Variants in RAB27A observed in about 807,000 individuals in gnomAD.
The protein encoded by RAB27A is ras-related protein Rab-27A.
Under a neutral mutation model 20.8 loss-of-function variants are expected in RAB27A, and 17 were observed. The observed-to-expected ratio is 0.82, with a 90% CI of 0.56 to 1.23. The LOEUF (loss-of-function observed/expected upper bound fraction) is 1.23. Ranked by LOEUF, RAB27A falls within the 50% of genes most tolerant of loss-of-function variation. The pLI, the probability that RAB27A is intolerant of heterozygous loss-of-function variation, is 0.00. For synonymous variants in RAB27A, 85 were observed against 92.8 expected (o/e 0.92, Z 0.48); for missense variants, 277 against 266.7 (o/e 1.04, Z -0.27).
intron 2 of RAB27A, among the ~76,000 whole-genome samples, chr15:55,239,370 C>G (rs1896391173): frequency 6.6e-6 from 1 of 152,154 alleles, no homozygotes; most frequent in Admixed American, 6.6e-5. Context: ...ACAAAAACAA[C>G]AGTTTGGTGT....
At chr15:55,207,010 G>A (rs1595663794) in intron 6 of RAB27A, among the ~76,000 whole-genome samples, 1 of 152,236 alleles carries the variant, frequency 6.6e-6, no homozygotes, top group East Asian at 1.9e-4. Flanking sequence ...CTAAGGATAT[G>A]CACGGGAAAT....
chr15:55,244,578 C>T (rs930170889), intron 2 of RAB27A, among the ~76,000 whole-genome samples: 1 of 152,068 alleles, frequency 6.6e-6, no homozygotes. Flanking sequence ...TAAAGAGAAA[C>T]ATAAGGTATA....
At chr15:55,242,062 T>C (rs958874880) in intron 2 of RAB27A, among the ~76,000 whole-genome samples, 9 of 152,008 alleles carry the variant, frequency 5.9e-5, no homozygotes, top group Non-Finnish European at 1.2e-4. Flanking sequence ...CATATTAAAG[T>C]GAATCATAGA....
At chr15:55,269,578 C>G (rs931388391) in intron 2 of RAB27A, among the ~76,000 whole-genome samples, 4 of 152,036 alleles carry the variant, frequency 2.6e-5, no homozygotes, top group African/African-American at 9.7e-5. Flanking sequence ...GAAACCCCAT[C>G]TCTACTAAAA....
intron 2 of RAB27A, among the ~76,000 whole-genome samples, chr15:55,305,703 T>A (rs754687007): frequency 4.6e-5 from 7 of 152,092 alleles, no homozygotes; most frequent in Non-Finnish European, 1.0e-4. Context: ...ATAAACAGAT[T>A]CCCCCTCTTT....
intron 2 of RAB27A, among the ~76,000 whole-genome samples, chr15:55,267,130 C>T (rs1489808140): frequency 2.6e-5 from 4 of 152,210 alleles, no homozygotes; most frequent in Admixed American, 2.6e-4. Flanking sequence ...GTGGTCTGGG[C>T]CTTCTCCGTG....
intron 6 of RAB27A, among the ~76,000 whole-genome samples, chr15:55,216,746 C>CCACG (rs1186456671): frequency 6.6e-6 from 1 of 152,160 alleles, no homozygotes; most frequent in Admixed American, 6.5e-5. Flanking sequence ...GTACCTGGGA[C>CCACG]CACGCCTCCC....
intron 6 of RAB27A, among the ~76,000 whole-genome samples, chr15:55,210,427 AG>A (rs372952364): frequency 0.14 from 15,675 of 115,576 alleles, 1,257 homozygotes; most frequent in African/African-American, 0.3. Context: ...TTTTTTTTTG[AG>A]GGGGGGGGAA....
chr15:55,223,957 G>A lies in RAB27A; in HGVS notation c.399C>T (p.Asn133=), dbSNP rs577958598. 254 of 1,612,006 alleles carry A rather than the reference G, an allele frequency of 1.6e-4. 10 individuals carry two copies. The South Asian group carries it at 2.5e-3, about 16-fold the overall frequency. ...CTCTCTGGTCCTCCAGATCACTCTTGTTTCCACACAGCACTATATCTGGGT... is the reference window on the plus strand; with the variant it reads ...CTCTCTGGTCCTCCAGATCACTCTTATTTCCACACAGCACTATATCTGGGT... ...CENPDIVLCG[N]KSDLEDQRVV... The change falls in exon 6 of 7, where the codon AAC becomes AAT. Residue 133 remains asparagine, a synonymous_variant. Coordinates refer to ENST00000336787, the MANE Select transcript of RAB27A (RefSeq NM_183235.3).
At chr15:55,293,866 G>A (rs1202091157), upstream of RAB27A, among the ~76,000 whole-genome samples, 6 of 152,064 alleles carry the variant, frequency 3.9e-5, no homozygotes, top group Admixed American at 2.6e-4. Flanking sequence ...GCAGTAAGCC[G>A]AGATCGTGCA....
chr15:55,212,036 G>A (rs929659968), intron 6 of RAB27A, among the ~76,000 whole-genome samples: 1 of 144,002 alleles, frequency 6.9e-6, no homozygotes, highest in South Asian at 2.2e-4. Context: ...AGAGTGTTCT[G>A]GTTTGCCTGA....
intron 2 of RAB27A, among the ~76,000 whole-genome samples, chr15:55,259,291 T>A (rs1897192036): frequency 6.6e-6 from 1 of 152,076 alleles, no homozygotes; most frequent in African/African-American, 2.4e-5. Flanking sequence ...TTATATCATA[T>A]CAAGAAAGTC....
At chr15:55,251,985 A>T (rs939843601) in intron 2 of RAB27A, among the ~76,000 whole-genome samples, 2 of 152,178 alleles carry the variant, frequency 1.3e-5, no homozygotes, top group Non-Finnish European at 2.9e-5. Flanking sequence ...AAGGCAGCAC[A>T]AAATCAACTC....
intron 2 of RAB27A, among the ~76,000 whole-genome samples, chr15:55,304,548 A>C (rs555693346): frequency 6.6e-6 from 1 of 152,242 alleles, no homozygotes; most frequent in South Asian, 2.1e-4. Flanking sequence ...CCTGTCAGCC[A>C]CTAATCTACT....
intron 2 of RAB27A, among the ~76,000 whole-genome samples, chr15:55,246,420 CT>C (rs57279802): frequency 0.011 from 1,708 of 149,474 alleles, 36 homozygotes; most frequent in African/African-American, 0.037. Flanking sequence ...GAGATATCGG[CT>C]TTTTTTTTTA....
At chr15:55,312,754 AG>A (rs1214608405) in intron 2 of RAB27A, among the ~76,000 whole-genome samples, 3 of 152,220 alleles carry the variant, frequency 2.0e-5, no homozygotes, top group African/African-American at 7.2e-5. Flanking sequence ...TTGATGTGTT[AG>A]GATTATTCCT....
chr15:55,302,038 A>G (rs968351822), intron 2 of RAB27A, among the ~76,000 whole-genome samples: 2 of 151,858 alleles, frequency 1.3e-5, no homozygotes, highest in African/African-American at 4.8e-5. Flanking sequence ...TTAGCCGACC[A>G]TGGTAGTTTG....
At chr15:55,303,837 G>T (rs1416154639) in intron 2 of RAB27A, among the ~76,000 whole-genome samples, 4 of 125,416 alleles carry the variant, frequency 3.2e-5, no homozygotes, top group East Asian at 2.9e-4. Flanking sequence ...GGAGGGAGGT[G>T]GGGGGGGTCA....
intron 1 of RAB27A, among the ~76,000 whole-genome samples, chr15:55,272,752 T>C (rs1014969979): frequency 1.3e-5 from 2 of 152,116 alleles, no homozygotes; most frequent in Non-Finnish European, 2.9e-5. Flanking sequence ...AAAGATCAGG[T>C]AGTGGAAGCA....
Sources: allele counts gnomAD v4.1 joint callset (sites outside exome capture counted in the v4.1 genomes callset), GRCh38; gene constraint gnomAD v4.1.1; transcripts MANE v1.5; gene names NCBI Gene and HGNC (gene_info 2026-07-23, HGNC 2026-07-21).